The following PI4KA variants were observed in gnomAD, a reference collection of about 807,000 sequenced individuals.
PI4KA encodes the protein PI4-kinase alpha.
In PI4KA, 122 loss-of-function variants were observed where a neutral mutation model predicts 271.4. That is an observed-to-expected ratio of 0.45 (90% confidence interval 0.39 to 0.52). The LOEUF is 0.52. PI4KA is among the 20% of genes least tolerant of loss of function. The pLI is 0.00. For missense variants in PI4KA, 1,969 were observed against 2,769.1 expected (o/e 0.71, Z 6.48); for synonymous variants, 1,041 against 1,078.8 (o/e 0.96, Z 0.69).
chr22:20,824,496 C>T (rs1249831566), intron 3 of PI4KA, 82 bp from the exon 4 acceptor site: 1 of 943,770 alleles, frequency 1.1e-6, no homozygotes, highest in Non-Finnish European at 1.6e-6. Flanking sequence ...CAATATGTTC[C>T]CTCTCACCAT....
chr22:20,809,852 C>A (rs1380527013), intron 9 of PI4KA, among the ~76,000 whole-genome samples: 1 of 152,180 alleles, frequency 6.6e-6, no homozygotes, highest in Non-Finnish European at 1.5e-5. Context: ...ACGGCCAGCA[C>A]ATACATCTCA....
chr22:20,779,273 A>G, intron 19 of PI4KA: 9 of 1,613,222 alleles, frequency 5.6e-6, no homozygotes, highest in Non-Finnish European at 1.7e-6. Context: ...GCCGCCTTTC[A>G]CTGTGTTCTG....
At chr22:20,741,947 G>C (rs1473901420) in intron 32 of PI4KA, among the ~76,000 whole-genome samples, 1 of 152,152 alleles carries the variant, frequency 6.6e-6, no homozygotes, top group Non-Finnish European at 1.5e-5. Context: ...AAAGTTAACA[G>C]GTGTTCAAAA....
intron 19 of PI4KA, among the ~76,000 whole-genome samples, chr22:20,771,600 T>C (rs1479422692): frequency 1.4e-5 from 2 of 139,930 alleles, no homozygotes; most frequent in Non-Finnish European, 3.1e-5. Flanking sequence ...TTTATTTATT[T>C]AGACAGAGTC....
intron 18 of PI4KA, chr22:20,793,452 G>T: frequency 2.1e-6 from 1 of 487,718 alleles, no homozygotes; most frequent in Non-Finnish European, 3.7e-6. Context: ...ATAAACCATG[G>T]TTACATAAAT....
intron 1 of PI4KA, among the ~76,000 whole-genome samples, chr22:20,839,968 A>C (rs1366360933): frequency 6.6e-6 from 1 of 152,218 alleles, no homozygotes; most frequent in Non-Finnish European, 1.5e-5. Flanking sequence ...TGAGATTCAA[A>C]GAATGCTGAT....
intron 19 of PI4KA, among the ~76,000 whole-genome samples, chr22:20,770,922 G>A (rs1932845591): frequency 6.6e-6 from 1 of 152,144 alleles, no homozygotes; most frequent in Non-Finnish European, 1.5e-5. Context: ...GTTCACGCCT[G>A]TCTTCCCAGC....
intron 14 of PI4KA, among the ~76,000 whole-genome samples, 179 bp downstream of exon 14, chr22:20,801,794 G>A (rs142570725): frequency 6.6e-6 from 1 of 152,156 alleles, no homozygotes; most frequent in African/African-American, 2.4e-5. Flanking sequence ...GCTGAGGCAG[G>A]AAAATAGCTT....
chr22:20,794,745 T>C (rs956747885), intron 18 of PI4KA, among the ~76,000 whole-genome samples: 4 of 152,204 alleles, frequency 2.6e-5, no homozygotes, highest in African/African-American at 9.7e-5. Flanking sequence ...GAGGACCCTG[T>C]CTGTCTCGTT....
At position 20,799,276 on chromosome 22, in the gene PI4KA, C is replaced by A; in HGVS notation, c.1821G>T (p.Lys607Asn). The A allele has an allele frequency of 6.6e-7, 1 of 1,515,216 alleles. No homozygotes were observed. The allele number at this position is 1,515,216 out of a possible 1,614,324, so 93.9% of individuals were successfully genotyped here. The change falls in exon 16 of 55, where the codon AAG (lysine) becomes AAT (asparagine). Residue 607 changes from lysine to asparagine, a missense_variant and splice_region_variant. This residue lies in a region of PI4KA where 228 missense variants were observed against 261.6 expected (regional missense o/e 0.87). Coordinates refer to ENST00000255882, the MANE Select transcript of PI4KA (RefSeq NM_058004.4). The stretch of plus-strand genomic sequence containing the variant: ...TGTGGTCGGGAATCAAGTGAGCGTC[C>A]CTACAGAAGGAAGAACAGAAGCGCC... ...NRLYISQESD[K>N]DAHLIPDHTI... is the part of the protein sequence containing the mutation.
chr22:20,838,318 C>A (rs1287179936), intron 2 of PI4KA, among the ~76,000 whole-genome samples: 2 of 152,140 alleles, frequency 1.3e-5, no homozygotes, highest in Non-Finnish European at 2.9e-5. Context: ...GGAAGGCACA[C>A]AATTACTTCT....
At chr22:20,847,687 T>C (rs773221695) in intron 1 of PI4KA, among the ~76,000 whole-genome samples, 8 of 151,522 alleles carry the variant, frequency 5.3e-5, no homozygotes, top group African/African-American at 1.9e-4. Flanking sequence ...GTCCAGGCTA[T>C]AGTAAGCTGT....
chr22:20,717,555 G>A (rs1926159076), intron 45 of PI4KA, among the ~76,000 whole-genome samples, 153 bp downstream of exon 45: 1 of 152,362 alleles, frequency 6.6e-6, no homozygotes, highest in Admixed American at 6.5e-5. Flanking sequence ...CTGGGGTCCT[G>A]GGGCACCAGG....
chr22:20,739,482 A>C (rs940406379), intron 32 of PI4KA, among the ~76,000 whole-genome samples: 28 of 151,480 alleles, frequency 1.8e-4, no homozygotes, highest in Non-Finnish European at 3.8e-4. Context: ...AAAAAAAAAA[A>C]CAAAAGAAAA....
At chr22:20,777,802 GA>G (rs769363401) in intron 19 of PI4KA, among the ~76,000 whole-genome samples, 4 of 152,204 alleles carry the variant, frequency 2.6e-5, no homozygotes, top group Non-Finnish European at 5.9e-5. Flanking sequence ...AAGTAAGCAA[GA>G]GAAAGACAAA....
At chr22:20,743,478 CAG>C (rs1929700897) in intron 30 of PI4KA, among the ~76,000 whole-genome samples, 1 of 149,514 alleles carries the variant, frequency 6.7e-6, no homozygotes, top group Non-Finnish European at 1.5e-5. Context: ...TTCTTTGAGA[CAG>C]AGTCTTGCTC....
At position 20,805,140 on chromosome 22, in the gene PI4KA, C is replaced by A; in HGVS notation, c.1194G>T (p.Glu398Asp). ...MKDLPTSFVKEIHDFVLEQFN... is the reference protein window; with the variant it reads ...MKDLPTSFVKDIHDFVLEQFN... ...ACTGCTCCAGCACAAAATCATGGATCTCCTTCACAAAAGAGGTCGGGAGGT... is the reference window on the plus strand; with the variant it reads ...ACTGCTCCAGCACAAAATCATGGATATCCTTCACAAAAGAGGTCGGGAGGT... The change falls in exon 11 of 55, where the codon GAG becomes GAT. Residue 398 changes from glutamate (E) to aspartate (D), a missense_variant. Physicochemically the swap from Glu to Asp is conservative, Grantham distance 45. Around this residue, in one of 13 missense-constraint regions of PI4KA, gnomAD observed 540 missense variants for 555.5 expected, o/e 0.97. Transcript: ENST00000255882. 2 of 1,613,974 alleles carry A rather than the reference C, an allele frequency of 1.2e-6. No homozygotes were observed. The highest frequency in any genetic ancestry group is 2.2e-5 in the East Asian group (1 of 44,882).
At chr22:20,739,624 TGA>T (rs1929169141) in intron 32 of PI4KA, among the ~76,000 whole-genome samples, 2 of 71,404 alleles carry the variant, frequency 2.8e-5, no homozygotes, top group Non-Finnish European at 6.6e-5. Flanking sequence ...AAAAAGAAAC[TGA>T]CCCAAGATGA....
chr22:20,834,671 A>G lies in PI4KA; in HGVS notation c.274-16T>C. On this transcript the variant is annotated splice_polypyrimidine_tract_variant and intron_variant, in intron 2 of 54. Transcript: ENST00000255882. ...AATCTTTGTGCTAAAAAATAATAAG[A>G]AGAATAATAAATTAGATTTAATAAA... 1 of 1,487,640 alleles carries G rather than the reference A, an allele frequency of 6.7e-7. No individual in the cohort carries two copies. Among genetic ancestry groups the G allele is most frequent in the Non-Finnish European group, 9.4e-7 (1 of 1,068,182 alleles). The allele number at this position is 1,487,640 out of a possible 1,614,324, so 92.2% of individuals were successfully genotyped here. A position where few individuals can be genotyped will look rare whatever the true frequency, so the allele number is the denominator to read the frequency against.
Sources: allele counts gnomAD v4.1 joint callset (sites outside exome capture counted in the v4.1 genomes callset), GRCh38; gene constraint gnomAD v4.1.1; regional missense constraint gnomAD v4.1.1; transcripts MANE v1.5; gene names NCBI Gene and HGNC (gene_info 2026-07-23, HGNC 2026-07-21).